The following NECAB2 variants were observed in gnomAD, a reference collection of about 807,000 sequenced individuals.
NECAB2 encodes N-terminal EF-hand calcium binding protein 2.
In NECAB2, 68 loss-of-function variants were observed where a neutral mutation model predicts 51.9. That is an observed-to-expected ratio of 1.31 (90% CI 1.08 to 1.60). The LOEUF (loss-of-function observed/expected upper bound fraction) is 1.60. NECAB2 is among the 40% of genes most tolerant of loss of function. The pLI is 0.00. For missense variants in NECAB2, 854 were observed against 490.3 expected (o/e 1.74, Z -7.00); for synonymous variants, 329 against 203.5 (o/e 1.62, Z -5.25).
intron 11 of NECAB2, 21 bp from the exon 12 acceptor site, chr16:84,001,802 TCA>T (rs1436366636): frequency 6.2e-7 from 1 of 1,613,190 alleles, no homozygotes; most frequent in Non-Finnish European, 8.5e-7. Context: ...CACCCCTGAC[TCA>T]CACATGTCCC....
chr16:83,997,530 C>T (rs1488374061), intron 9 of NECAB2, among the ~76,000 whole-genome samples: 1 of 136,830 alleles, frequency 7.3e-6, no homozygotes, highest in Non-Finnish European at 1.5e-5. Context: ...CTGTATCTCC[C>T]AGGCTGGAGT....
chr16:84,001,680 C>A, intron 11 of NECAB2, 145 bp from the exon 12 acceptor site: 1 of 657,514 alleles, frequency 1.5e-6, no homozygotes. Flanking sequence ...CACCCCCTCA[C>A]CTTCCCACAA....
intron 2 of NECAB2, among the ~76,000 whole-genome samples, chr16:83,975,633 C>T (rs927418231): frequency 1.3e-5 from 2 of 152,100 alleles, no homozygotes; most frequent in East Asian, 1.9e-4. Context: ...ATGCCCAGTC[C>T]CTATGGGAAG....
chr16:84,000,579 G>C (rs747413774), intron 10 of NECAB2, 145 bp from the exon 11 acceptor site: 9 of 611,164 alleles, frequency 1.5e-5, no homozygotes, highest in South Asian at 4.1e-5. Context: ...TCACCCTGTC[G>C]AGTCTCGATG....
chr16:83,997,303 C>G, intron 9 of NECAB2, 34 bp downstream of exon 9: 1 of 1,613,322 alleles, frequency 6.2e-7, no homozygotes, highest in Non-Finnish European at 8.5e-7. Flanking sequence ...TCTGGGACCA[C>G]ATCCCTACCC....
At chr16:83,986,711 G>C (rs899541007) in intron 5 of NECAB2, among the ~76,000 whole-genome samples, 1 of 149,788 alleles carries the variant, frequency 6.7e-6, no homozygotes, top group Non-Finnish European at 1.5e-5. Flanking sequence ...GTAGAGACAG[G>C]GTTTCCCTAT....
chr16:83,997,799 C>A (rs111235646), intron 9 of NECAB2, among the ~76,000 whole-genome samples: 8 of 152,206 alleles, frequency 5.3e-5, no homozygotes, highest in Non-Finnish European at 1.0e-4. Flanking sequence ...GGCCCAGAGG[C>A]TCCTGGACTT....
upstream of NECAB2, among the ~76,000 whole-genome samples, chr16:83,967,791 C>A (rs1462278661): frequency 2.7e-5 from 2 of 74,386 alleles, no homozygotes; most frequent in South Asian, 4.6e-4. Context: ...GGATGGATGC[C>A]AGGGAGGGAG....
rs905456732 is a variant in NECAB2, at chr16:84,000,757, C to T, written c.996C>T (p.Thr332=). Residue 332 remains threonine, a synonymous_variant, in exon 11 of 13, where the codon ACC becomes ACT. Transcript: ENST00000305202. ...CCGTGAGGCTCTCAGATGGCTTCAC[C>T]TTTGTCATCTATGAGTTCTGGGAGA... The part of the protein sequence containing the change: ...ITAVRLSDGF[T]FVIYEFWETE... The T allele has an allele frequency of 6.2e-7, 1 of 1,613,906 alleles. No homozygotes were observed. The highest frequency in any genetic ancestry group is 1.7e-5 in the Admixed American group (1 of 60,014).
At chr16:83,997,159 T>A in intron 8 of NECAB2, 57 bp from the exon 9 acceptor site, 1 of 1,609,952 alleles carries the variant, frequency 6.2e-7, no homozygotes, top group Non-Finnish European at 8.5e-7. Context: ...AGCTCCTGGC[T>A]CCCCGGGGCG....
upstream of NECAB2, among the ~76,000 whole-genome samples, chr16:83,968,084 C>T (rs72791584): frequency 3.8e-4 from 58 of 151,774 alleles, 1 homozygote; most frequent in South Asian, 0.01. Context: ...TGGTTCTGGG[C>T]GTTTTGTAAC....
intron 5 of NECAB2, among the ~76,000 whole-genome samples, chr16:83,984,185 C>T (rs545728296): frequency 2.6e-5 from 4 of 151,498 alleles, no homozygotes; most frequent in South Asian, 2.1e-4. Context: ...TTAGTAGAGA[C>T]GGGGTTTCAT....
intron 12 of NECAB2, 29 bp downstream of exon 12, chr16:84,001,945 G>A (rs1328762978): frequency 2.5e-6 from 4 of 1,605,756 alleles, no homozygotes; most frequent in East Asian, 2.2e-5. Context: ...GAACTGCAGT[G>A]GCCACCTGAC....
At chr16:83,990,220 A>C (rs530141403) in intron 5 of NECAB2, among the ~76,000 whole-genome samples, 1 of 152,174 alleles carries the variant, frequency 6.6e-6, no homozygotes, top group Non-Finnish European at 1.5e-5. Flanking sequence ...ACAACCTTGT[A>C]AGATAGATGC....
intron 11 of NECAB2, among the ~76,000 whole-genome samples, chr16:84,001,501 A>AGCTTCTGTGTTGTCAT (rs1274531558): frequency 1.3e-5 from 2 of 152,106 alleles, no homozygotes; most frequent in Non-Finnish European, 2.9e-5. Flanking sequence ...AAGCCTTCGC[A>AGCTTCTGTGTTGTCAT]GCTTCTGTGT....
intron 2 of NECAB2, among the ~76,000 whole-genome samples, chr16:83,972,671 C>T (rs1333405831): frequency 6.6e-6 from 1 of 152,202 alleles, no homozygotes; most frequent in African/African-American, 2.4e-5. Context: ...CCCAGGGTTG[C>T]CCAGCTGCAT....
chr16:83,968,217 G>A (rs1306604599), upstream of NECAB2, among the ~76,000 whole-genome samples: 1 of 151,392 alleles, frequency 6.6e-6, no homozygotes, highest in African/African-American at 2.4e-5. Context: ...AGGGCGCTCC[G>A]GGCTCGCTGG....
intron 3 of NECAB2, 137 bp downstream of exon 3, chr16:83,978,689 C>T: frequency 1.5e-6 from 1 of 678,974 alleles, no homozygotes; most frequent in South Asian, 1.8e-5. Flanking sequence ...ATCCAGAAGT[C>T]AGCTCTTCAC....
chr16:83,983,488 C>T (rs2084514430), intron 5 of NECAB2, among the ~76,000 whole-genome samples: 1 of 152,174 alleles, frequency 6.6e-6, no homozygotes, highest in South Asian at 2.1e-4. Context: ...TCCTTGTCAG[C>T]ATGTTGGAGA....
Sources: allele counts gnomAD v4.1 joint callset (sites outside exome capture counted in the v4.1 genomes callset), GRCh38; gene constraint gnomAD v4.1.1; transcripts MANE v1.5; gene names NCBI Gene and HGNC (gene_info 2026-07-23, HGNC 2026-07-21).